Variants in DPP4 observed in about 807,000 individuals in gnomAD.
DPP4 encodes the protein dipeptidyl peptidase 4, also known as ADCP-2.
Under a neutral mutation model 122.4 loss-of-function variants are expected in DPP4, and 93 were observed. That is an observed-to-expected ratio of 0.76 (90% confidence interval 0.64 to 0.90). The LOEUF is 0.90. Among genes scored for constraint, DPP4 ranks in the 40% least tolerant of loss-of-function variants. The pLI, the probability that DPP4 is intolerant of heterozygous loss-of-function variation, is 0.00. For synonymous variants in DPP4, 321 were observed against 302.9 expected, an observed-to-expected ratio of 1.06 and a Z score of -0.62; for missense variants, 914 against 907.3, an observed-to-expected ratio of 1.01 and a Z score of -0.09.
At chr2:162,016,711 A>G (rs1488535197) in intron 18 of DPP4, 57 bp downstream of exon 18, 2 of 1,136,952 alleles carry the variant, frequency 1.8e-6, no homozygotes, top group Non-Finnish European at 2.6e-6. Context: ...GAATTACTAT[A>G]GTTAGAGTGC....
chr2:162,009,262 T>C lies in DPP4; in HGVS notation c.1866A>G (p.Lys622=). 5 of 1,613,780 alleles carry C rather than the reference T, an allele frequency of 3.1e-6. No homozygotes were observed. Among genetic ancestry groups the C allele is most frequent in the South Asian group, 1.1e-5 (1 of 91,072 alleles). The change falls in exon 21 of 26, where the codon AAA becomes AAG. Residue 622 remains lysine (K), a synonymous_variant. Coordinates refer to ENST00000360534, the MANE Select transcript of DPP4 (RefSeq NM_001935.4). ...TCACCCAGCCCCAAATTGCAATTCG[T>C]TTGTTGTCCACAAATCCCATTTTTG... ...QFSKMGFVDN[K]RIAIWGWSYG...
intron 19 of DPP4, among the ~76,000 whole-genome samples, chr2:162,013,793 A>T (rs1682800466): frequency 6.6e-6 from 1 of 152,220 alleles, no homozygotes; most frequent in African/African-American, 2.4e-5. Flanking sequence ...GAAAAATTAA[A>T]GTAGGGTGTA....
intron 5 of DPP4, 47 bp from the exon 6 acceptor site, chr2:162,039,231 T>A (rs1170920673): frequency 6.4e-7 from 1 of 1,563,846 alleles, no homozygotes. Flanking sequence ...ACTTGATAAT[T>A]TGGCCACTCA....
At chr2:162,014,372 T>G in intron 19 of DPP4, 24 bp downstream of exon 19, 1 of 1,575,858 alleles carries the variant, frequency 6.3e-7, no homozygotes, top group Non-Finnish European at 8.7e-7. Context: ...ACTTCTAAAT[T>G]GCTCCCTTCT....
chr2:162,057,895 C>T (rs1684630109), intron 2 of DPP4, among the ~76,000 whole-genome samples: 1 of 152,158 alleles, frequency 6.6e-6, no homozygotes, highest in African/African-American at 2.4e-5. Flanking sequence ...GTCTCATCCT[C>T]CCAAGTAACT....
intron 2 of DPP4, among the ~76,000 whole-genome samples, chr2:162,061,772 T>C (rs368920887): frequency 3.9e-5 from 6 of 152,196 alleles, no homozygotes; most frequent in African/African-American, 1.2e-4. Flanking sequence ...TTCAGTGTTC[T>C]AGGCACTAGA....
At chr2:162,041,075 T>C (rs1386926672) in intron 5 of DPP4, among the ~76,000 whole-genome samples, 1 of 151,878 alleles carries the variant, frequency 6.6e-6, no homozygotes, top group Non-Finnish European at 1.5e-5. Context: ...TTTTCAGAGT[T>C]ATATGAACAA....
intron 1 of DPP4, 45 bp downstream of exon 1, chr2:162,073,931 G>A (rs201857620): frequency 1.4e-5 from 23 of 1,609,740 alleles, no homozygotes; most frequent in Non-Finnish European, 2.0e-5. Flanking sequence ...TTGGCGAAGA[G>A]GTCCCCACAG....
In DPP4 at chr2:162,017,170, G is replaced by T; in HGVS notation, c.1421-15C>A. On this transcript the variant is annotated splice_polypyrimidine_tract_variant and intron_variant, in intron 16 of 25. Transcript: ENST00000360534. ...CAGACCAGGACCTGTTAACACAATG[G>T]GGGAAAAATGTTTTGGATGAATACT... 2 of 1,608,524 alleles carry T rather than the reference G, an allele frequency of 1.2e-6. No homozygotes were observed. Among genetic ancestry groups the T allele is most frequent in the South Asian group, 2.2e-5 (2 of 90,066 alleles).
At chr2:162,026,301 T>C (rs957073292) in intron 10 of DPP4, among the ~76,000 whole-genome samples, 3 of 152,206 alleles carry the variant, frequency 2.0e-5, no homozygotes, top group Non-Finnish European at 4.4e-5. Flanking sequence ...CGGGCTTCCA[T>C]GCTACCCTGC....
chr2:162,070,710 T>G (rs990838511), intron 2 of DPP4, among the ~76,000 whole-genome samples: 1 of 152,198 alleles, frequency 6.6e-6, no homozygotes, highest in Non-Finnish European at 1.5e-5. Context: ...ACCTTTATTA[T>G]GGCACAGCCC....
In DPP4 at chr2:162,046,127, C is replaced by T. The variant is rs1684166539; in HGVS notation, c.286-515G>A. 1.3e-5 allele frequency among the ~76,000 whole-genome samples: 2 copies of T among 152,172 alleles called. 1 individual carries two copies. The highest frequency in any genetic ancestry group is 4.1e-4 in the South Asian group (2 of 4,828). ...CTTTTACAAAGATACTCTGGTGACA[C>T]AGTGGCTGAAATGAGAGGGAAGAGC... is the stretch of plus-strand genomic sequence containing the variant. On this transcript the variant is annotated intron_variant, in intron 4 of 25. Coordinates refer to ENST00000360534, the MANE Select transcript of DPP4 (RefSeq NM_001935.4).
At chr2:162,038,830 C>T in intron 7 of DPP4, 119 bp downstream of exon 7, 4 of 887,674 alleles carry the variant, frequency 4.5e-6, no homozygotes, top group Non-Finnish European at 7.2e-6. Context: ...GGCAATAACA[C>T]TATGTTCTAT....
intron 19 of DPP4, 57 bp downstream of exon 19, chr2:162,014,339 G>A: frequency 1.4e-6 from 2 of 1,447,386 alleles, no homozygotes; most frequent in Non-Finnish European, 1.9e-6. Flanking sequence ...AAGCTGCACT[G>A]AGAAAAATAT....
At chr2:162,071,710 T>C (rs1685124720) in intron 2 of DPP4, among the ~76,000 whole-genome samples, 1 of 152,164 alleles carries the variant, frequency 6.6e-6, no homozygotes, top group South Asian at 2.1e-4. Context: ...AAGAGAACAT[T>C]CTTGAAATGT....
intron 2 of DPP4, among the ~76,000 whole-genome samples, chr2:162,056,745 G>A (rs776163784): frequency 6.6e-6 from 1 of 152,178 alleles, no homozygotes; most frequent in South Asian, 2.1e-4. Context: ...AGGACTATAG[G>A]AGGGGCCTGA....
intron 2 of DPP4, among the ~76,000 whole-genome samples, chr2:162,063,489 G>C (rs1210766209): frequency 1.3e-5 from 2 of 152,074 alleles, no homozygotes; most frequent in Non-Finnish European, 2.9e-5. Flanking sequence ...GAAGACATCA[G>C]GAAGAATACC....
intron 2 of DPP4, among the ~76,000 whole-genome samples, chr2:162,071,097 C>T (rs755311274): frequency 3.3e-5 from 5 of 152,180 alleles, no homozygotes; most frequent in Non-Finnish European, 5.9e-5. Flanking sequence ...TGCAACTCAC[C>T]TTCCCACTGT....
rs2106101978 is a variant in DPP4 at position 162,020,635 on chromosome 2, G to T, written c.1122C>A (p.Ile374=). ...FTLDGNSFYK[I]ISNEEGYRHI... is the part of the protein sequence containing the mutation. ...GTCTGTAACCTTCTTCATTGCTGAT[G>T]ATCTTGTAGAAGCTATTACCATCAA... Residue 374 remains isoleucine, a synonymous_variant, in exon 13 of 26, where the codon ATC becomes ATA. Coordinates refer to ENST00000360534, the MANE Select transcript of DPP4 (RefSeq NM_001935.4). 1 of 1,612,762 alleles carries T rather than the reference G, an allele frequency of 6.2e-7. No individual in the cohort carries two copies. The highest frequency in any genetic ancestry group is 1.7e-5 in the Admixed American group (1 of 59,838).
Sources: gnomAD v4.1 joint callset for allele counts (sites outside exome capture counted in the v4.1 genomes callset) on GRCh38, gnomAD v4.1.1 for gene constraint, MANE v1.5 for transcripts, NCBI Gene and HGNC (gene_info 2026-07-23, HGNC 2026-07-21) for gene names.